PLXNA4: variants seen among roughly 807,000 people sequenced by gnomAD.
PLXNA4 encodes the protein plexin A4.
Under a neutral mutation model 191.8 loss-of-function variants are expected in PLXNA4, and 44 were observed. That is an observed-to-expected ratio of 0.23 (90% CI 0.18 to 0.29). PLXNA4 has a LOEUF of 0.29. Ranked by LOEUF, PLXNA4 falls within the 10% of genes least tolerant of loss-of-function variation. The probability of loss-of-function intolerance (pLI) is 1.00; values close to 1 mark genes in which losing one functional copy is unlikely to be tolerated. For missense variants in PLXNA4, 1,800 were observed against 2,488.8 expected, an observed-to-expected ratio of 0.72 and a Z score of 5.89; for synonymous variants, 1,082 against 1,009.5, an observed-to-expected ratio of 1.07 and a Z score of -1.36.
chr7:132,264,618 C>A (rs958932210), intron 4 of PLXNA4, among the ~76,000 whole-genome samples: 1 of 151,980 alleles, frequency 6.6e-6, no homozygotes, highest in African/African-American at 2.4e-5. Flanking sequence ...GCTCCTCATG[C>A]CCTGAGCTAC....
intron 2 of PLXNA4, among the ~76,000 whole-genome samples, chr7:132,620,004 G>A (rs1803230718): frequency 6.6e-6 from 1 of 152,188 alleles, no homozygotes; most frequent in Non-Finnish European, 1.5e-5. Context: ...GGGTTTCACT[G>A]TGTTAGCCAG....
chr7:132,234,040 G>C (rs919494045), intron 5 of PLXNA4, among the ~76,000 whole-genome samples: 1 of 152,140 alleles, frequency 6.6e-6, no homozygotes, highest in African/African-American at 2.4e-5. Flanking sequence ...CTAAGGTTGA[G>C]GAGAGGTTAG....
At chr7:132,337,228 C>T (rs1802852748) in intron 3 of PLXNA4, among the ~76,000 whole-genome samples, 1 of 152,204 alleles carries the variant, frequency 6.6e-6, no homozygotes, top group South Asian at 2.1e-4. Context: ...ATAGAATGGA[C>T]ACTTGCAAAC....
At chr7:132,489,745 T>A (rs1797707036) in intron 2 of PLXNA4, among the ~76,000 whole-genome samples, 1 of 152,050 alleles carries the variant, frequency 6.6e-6, no homozygotes, top group South Asian at 2.1e-4. Context: ...ATCCAACCCC[T>A]CCCAGCGCCA....
intron 2 of PLXNA4, among the ~76,000 whole-genome samples, chr7:132,594,752 C>T (rs1451271435): frequency 6.6e-6 from 1 of 152,028 alleles, no homozygotes; most frequent in Non-Finnish European, 1.5e-5. Context: ...TAGGCTGATC[C>T]CTTGATGGGA....
chr7:132,171,153 G>A (rs1796274460), intron 21 of PLXNA4, among the ~76,000 whole-genome samples: 1 of 152,234 alleles, frequency 6.6e-6, no homozygotes, highest in South Asian at 2.1e-4. Context: ...CAGAAGAGCA[G>A]TTCTATGACT....
At chr7:132,231,750 T>C (rs2116997759) in intron 5 of PLXNA4, among the ~76,000 whole-genome samples, 1 of 152,344 alleles carries the variant, frequency 6.6e-6, no homozygotes, top group South Asian at 2.1e-4. Flanking sequence ...TCTCCATGAC[T>C]GGCCCTTGGG....
rs77472382 is a variant in PLXNA4 at position 132,456,851 on chromosome 7, G to C, written c.1371+32441C>G. Among the ~76,000 whole-genome samples the C allele has an allele frequency of 9.5e-3, 1,454 of 152,292 alleles. 22 individuals carry two copies. Among genetic ancestry groups the C allele is most frequent in the African/African-American group, 0.033 (1,382 of 41,554 alleles). ...TGGAACTGGTTCCTACATCCCCATA[G>C]AGATAACCGACACCATCTGATTTGT... is the stretch of plus-strand genomic sequence containing the variant. On this transcript the variant is annotated intron_variant, in intron 3 of 31. Coordinates refer to ENST00000321063, the MANE Select transcript of PLXNA4 (RefSeq NM_020911.2).
rs185385531 is a variant in PLXNA4 at position 132,164,794 on chromosome 7, G to C, written c.4353+340C>G. On this transcript the variant is annotated intron_variant, in intron 23 of 31. Transcript: ENST00000321063. ...GCCTTATCAGCCTCAGTAAGTCTGG[G>C]GCTGGGAGAGGGAAGAGGAAAAGCA... is the stretch of plus-strand genomic sequence containing the variant. Among the ~76,000 whole-genome samples, 306 of 152,356 alleles carry C rather than the reference G, an allele frequency of 2.0e-3. 1 individual carries two copies. Among genetic ancestry groups the C allele is most frequent in the African/African-American group, 7.0e-3 (292 of 41,590 alleles).
At chr7:132,237,588 T>C (rs565119364) in intron 5 of PLXNA4, among the ~76,000 whole-genome samples, 1 of 152,124 alleles carries the variant, frequency 6.6e-6, no homozygotes, top group South Asian at 2.1e-4. Context: ...ACCAGACACA[T>C]TGGCACAAAT....
At chr7:132,168,233 T>C in intron 22 of PLXNA4, 71 bp downstream of exon 22, 1 of 1,439,820 alleles carries the variant, frequency 6.9e-7, no homozygotes, top group Non-Finnish European at 9.1e-7. Context: ...TCCACCCGAG[T>C]CTCCCTGCAA....
chr7:132,519,710 G>A (rs1159945314), intron 1 of PLXNA4, among the ~76,000 whole-genome samples: 2 of 152,230 alleles, frequency 1.3e-5, no homozygotes, highest in African/African-American at 4.8e-5. Context: ...TCATGGTAAA[G>A]GGAAGAAGTG....
chr7:132,298,269 G>T (rs780960334), intron 3 of PLXNA4, 47 bp from the exon 4 acceptor site: 1 of 1,569,052 alleles, frequency 6.4e-7, no homozygotes, highest in Non-Finnish European at 8.6e-7. Context: ...ATCCTGCACT[G>T]CCCACAGCCA....
chr7:132,421,969 T>C (rs1794866153), intron 3 of PLXNA4, among the ~76,000 whole-genome samples: 1 of 152,212 alleles, frequency 6.6e-6, no homozygotes, highest in Non-Finnish European at 1.5e-5. Context: ...ATAGATCAAA[T>C]GATGCTTCTA....
At chr7:132,622,558 A>G (rs1803288908) in intron 2 of PLXNA4, among the ~76,000 whole-genome samples, 1 of 152,086 alleles carries the variant, frequency 6.6e-6, no homozygotes, top group African/African-American at 2.4e-5. Context: ...AAAAAAAAAA[A>G]ATCCCTGGCC....
chr7:132,494,680 G>A (rs1429915131), intron 2 of PLXNA4, among the ~76,000 whole-genome samples: 5 of 152,166 alleles, frequency 3.3e-5, no homozygotes, highest in Non-Finnish European at 7.3e-5. Context: ...CGCAGCAAAG[G>A]TTACCGTGCA....
rs6950305 is a variant in PLXNA4 at position 132,428,533 on chromosome 7, G to A, written c.1371+60759C>T. Among the ~76,000 whole-genome samples the A allele has an allele frequency of 3.1e-3, 479 of 152,306 alleles. 5 individuals carry two copies. The highest frequency in any genetic ancestry group is 0.011 in the African/African-American group (445 of 41,578). ...GGTCTCTAGGGCCCGAGAGCAGGCG[G>A]GAGATTTATTATTTTGGGGTGATTA... On this transcript the variant is annotated intron_variant, in intron 3 of 31. Coordinates refer to ENST00000321063, the MANE Select transcript of PLXNA4 (RefSeq NM_020911.2).
At chr7:132,237,198 C>T (rs1798730574) in intron 5 of PLXNA4, among the ~76,000 whole-genome samples, 1 of 152,124 alleles carries the variant, frequency 6.6e-6, no homozygotes, top group Admixed American at 6.5e-5. Flanking sequence ...ATCCAGGGAC[C>T]TACTCTACTT....
At chr7:132,296,570 G>A (rs1464776215) in intron 4 of PLXNA4, among the ~76,000 whole-genome samples, 1 of 151,956 alleles carries the variant, frequency 6.6e-6, no homozygotes, top group East Asian at 1.9e-4. Context: ...CCTGCACCTG[G>A]CTCCGTTTAT....
Sources: allele counts gnomAD v4.1 joint callset (sites outside exome capture counted in the v4.1 genomes callset), GRCh38; gene constraint gnomAD v4.1.1; transcripts MANE v1.5; gene names NCBI Gene and HGNC (gene_info 2026-07-23, HGNC 2026-07-21).